Variants in TRIM25 observed in about 807,000 individuals in gnomAD.
TRIM25 encodes the protein E3 ubiquitin/ISG15 ligase TRIM25.
Under a neutral mutation model 65.2 loss-of-function variants are expected in TRIM25, and 45 were observed. That is an observed-to-expected ratio of 0.69 (90% CI 0.54 to 0.89). The LOEUF is 0.89. Ranked by LOEUF, TRIM25 falls within the 40% of genes least tolerant of loss-of-function variation. The pLI is 0.00. For synonymous variants in TRIM25, 321 were observed against 340.4 expected, an observed-to-expected ratio of 0.94 and a Z score of 0.63; for missense variants, 714 against 803.7, an observed-to-expected ratio of 0.89 and a Z score of 1.35.
intron 4 of TRIM25, 113 bp downstream of exon 4, chr17:56,901,306 A>G: frequency 8.1e-7 from 1 of 1,241,554 alleles, no homozygotes; most frequent in East Asian, 2.4e-5. Context: ...GAGCCCTGAA[A>G]CTCAGGCCCC....
intron 8 of TRIM25, among the ~76,000 whole-genome samples, chr17:56,894,244 TTTTG>T (rs893032913): frequency 1.3e-4 from 20 of 152,160 alleles, no homozygotes; most frequent in East Asian, 1.2e-3. Flanking sequence ...TTTTGGGGTT[TTTTG>T]TTTGTTTGTT....
Position 56,888,216 on chromosome 17 carries a change from A to C in TRIM25, c.*3484T>G, listed in dbSNP as rs1341481771. 6.6e-6 allele frequency: 1 copy of C among 152,262 alleles called. No homozygotes were observed. Among genetic ancestry groups the C allele is most frequent in the Admixed American group, 6.5e-5 (1 of 15,288 alleles). The allele number at this position is 152,262 out of a possible 1,614,324, so 9.4% of individuals were successfully genotyped here. On this transcript the variant is annotated 3_prime_UTR_variant, in exon 9 of 9. Transcript: ENST00000316881. ...GACTCAAAGCCTCAAACCTCTAATC[A>C]CATGGTCAGTCTGTCTGGTGACCAG...
chr17:56,911,448 C>T (rs768408004), intron 1 of TRIM25, among the ~76,000 whole-genome samples: 13 of 151,856 alleles, frequency 8.6e-5, no homozygotes, highest in Non-Finnish European at 1.3e-4. Context: ...GGCATGGTGG[C>T]GCAGGCCTGT....
At chr17:56,899,066 G>A (rs1455939832) in intron 5 of TRIM25, 49 bp downstream of exon 5, 2 of 1,594,508 alleles carry the variant, frequency 1.3e-6, no homozygotes, top group African/African-American at 2.7e-5. Flanking sequence ...AGAGCCTGGG[G>A]AGGCCACAGC....
At chr17:56,894,359 G>A (rs1157083152) in intron 8 of TRIM25, among the ~76,000 whole-genome samples, 3 of 152,046 alleles carry the variant, frequency 2.0e-5, no homozygotes, top group Admixed American at 6.6e-5. Flanking sequence ...AGTGATTCTC[G>A]TGCCTCAGCC....
In TRIM25 at chr17:56,914,011, C is replaced by T. The variant is rs1909687173; in HGVS notation, c.-23G>A. ...CATGGCGCTCCCAGGGGTCGGGACACAACTGCTGCACCCGCGCTCCGAGGC... is the reference window on the plus strand; with the variant it reads ...CATGGCGCTCCCAGGGGTCGGGACATAACTGCTGCACCCGCGCTCCGAGGC... On this transcript the variant is annotated 5_prime_UTR_variant, in exon 1 of 9. In the 5' UTR this introduces an upstream ATG that the reference lacks. Transcript: ENST00000316881. 3 of 1,470,592 alleles carry T rather than the reference C, an allele frequency of 2.0e-6. No individual in the cohort carries two copies. The highest frequency in any genetic ancestry group is 9.1e-7 in the Non-Finnish European group (1 of 1,104,022). 91.1% of individuals were successfully genotyped at this position (1,470,592 alleles called of 1,614,324 possible). A position where few individuals can be genotyped will look rare whatever the true frequency, so the allele number is the denominator to read the frequency against.
Position 56,895,444 on chromosome 17 carries a change from G to A in TRIM25, c.1265-3C>T, listed in dbSNP as rs747692879. On this transcript the variant is annotated splice_polypyrimidine_tract_variant and splice_region_variant and intron_variant, in intron 7 of 8. Transcript: ENST00000316881. ...TGAGCTGGTGGCTTTGGCTGCAGCTGGGAGAGGAAACAGAGAGTGATTTGC... is the reference window on the plus strand; with the variant it reads ...TGAGCTGGTGGCTTTGGCTGCAGCTAGGAGAGGAAACAGAGAGTGATTTGC... The A allele has an allele frequency of 2.5e-6, 4 of 1,614,030 alleles. No homozygotes were observed. The highest frequency in any genetic ancestry group is 1.3e-5 in the African/African-American group (1 of 74,922).
chr17:56,913,678 TG>T lies in TRIM25; in HGVS notation c.310del (p.Gln104ArgfsTer8). The T allele has an allele frequency of 6.3e-7, 1 of 1,592,956 alleles. No individual in the cohort carries two copies. The highest frequency in any genetic ancestry group is 8.6e-7 in the Non-Finnish European group (1 of 1,168,968). The part of the protein sequence containing the change: ...ARASAPSPNA[Q>X]VACDHCLKEA... Reference sequence around the variant, plus strand: ...CTTCAGGCAGTGGTCGCAGGCCACCTGGGCATTCGGGCTGGGTGCAGAGGCG... The same window carrying T: ...CTTCAGGCAGTGGTCGCAGGCCACCTGGCATTCGGGCTGGGTGCAGAGGCG... On this transcript the variant is annotated frameshift_variant, in exon 1 of 9. Transcript: ENST00000316881. LOFTEE classifies it high-confidence loss of function. This position sits in a 1 kb window ranked among gnomAD's most constrained non-coding sequence, Gnocchi z 6.1.
intron 8 of TRIM25, 88 bp downstream of exon 8, chr17:56,895,255 C>T (rs1224611620): frequency 2.9e-6 from 3 of 1,027,406 alleles, no homozygotes; most frequent in South Asian, 2.7e-5. Context: ...CTGATATAGC[C>T]GGCCAGCTGG....
intron 2 of TRIM25, among the ~76,000 whole-genome samples, chr17:56,906,178 G>A (rs1318253255): frequency 2.6e-5 from 4 of 151,802 alleles, no homozygotes; most frequent in Non-Finnish European, 4.4e-5. Flanking sequence ...ATTAGATCAC[G>A]AGGGCTCTGC....
At chr17:56,907,800 T>A (rs965560106) in intron 2 of TRIM25, among the ~76,000 whole-genome samples, 2 of 152,204 alleles carry the variant, frequency 1.3e-5, no homozygotes, top group Non-Finnish European at 2.9e-5. Context: ...ATCTTGAGAT[T>A]CGATCATCAT....
At chr17:56,912,514 C>G (rs1909648963) in intron 1 of TRIM25, among the ~76,000 whole-genome samples, 1 of 152,192 alleles carries the variant, frequency 6.6e-6, no homozygotes, top group Admixed American at 6.5e-5. Context: ...CCTTCCTGAT[C>G]ACAGGAACTC....
At position 56,908,414 on chromosome 17, in the gene TRIM25, G is replaced by C. The variant is rs997782742; in HGVS notation, c.693+54C>G. The stretch of plus-strand genomic sequence containing the variant: ...GTCAGAGCCACGCCCATCCCGCGTG[G>C]AAGCTGAGCGAAGCCACAGGGCAGG... On this transcript the variant is annotated intron_variant, in intron 2 of 8. Transcript: ENST00000316881. The C allele has an allele frequency of 1.2e-5, 19 of 1,569,210 alleles. No individual in the cohort carries two copies. In the African/African-American group the frequency reaches 2.3e-4, roughly 19 times the overall value.
rs563772315 is a variant in TRIM25, at chr17:56,910,608, G to A, written c.598-2045C>T. ...GATACACCATTAATCAAACACATGC[G>A]GCAGTACCCTCATCATGAATGGTGC... is the stretch of plus-strand genomic sequence containing the variant. On this transcript the variant is annotated intron_variant, in intron 1 of 8. Transcript: ENST00000316881. 1.1e-4 allele frequency among the ~76,000 whole-genome samples: 16 copies of A among 152,232 alleles called. No individual in the cohort carries two copies. The South Asian group carries it at 2.3e-3, about 22-fold the overall frequency.
At chr17:56,898,554 G>C (rs1909345988) in intron 5 of TRIM25, among the ~76,000 whole-genome samples, 1 of 152,182 alleles carries the variant, frequency 6.6e-6, no homozygotes, top group African/African-American at 2.4e-5. Context: ...GGGGGAGGGG[G>C]AGTAAAAAAG....
At position 56,891,367 on chromosome 17, in the gene TRIM25, T is replaced by C. The variant is rs758811484; in HGVS notation, c.*333A>G. ...CCCAAGACAGAACCTACAGTAGCTA[T>C]GGATTTTCTCTAAGAGGAATCGGGC... On this transcript the variant is annotated 3_prime_UTR_variant, in exon 9 of 9. Transcript: ENST00000316881. 1.1e-5 allele frequency: 4 copies of C among 351,668 alleles called. No homozygotes were observed. Among genetic ancestry groups the C allele is most frequent in the South Asian group, 3.0e-5 (1 of 33,000 alleles). 21.8% of individuals were successfully genotyped at this position (351,668 alleles called of 1,614,324 possible).
In TRIM25 at chr17:56,903,272, C is replaced by T. The variant is rs111315069; in HGVS notation, c.927+983G>A. ...AAAATTAGCTGGGCATGGTGGCGTG[C>T]GCCTGTAATCCCAGCTACTCAGGAG... On this transcript the variant is annotated intron_variant, in intron 3 of 8. Coordinates refer to ENST00000316881, the MANE Select transcript of TRIM25 (RefSeq NM_005082.5). Among the ~76,000 whole-genome samples the T allele has an allele frequency of 4.0e-3, 609 of 152,134 alleles. 3 individuals are homozygous for T. The highest frequency in any genetic ancestry group is 0.031 in the Middle Eastern group (9 of 294).
At chr17:56,895,852 C>T in intron 6 of TRIM25, 74 bp downstream of exon 6, 1 of 1,564,298 alleles carries the variant, frequency 6.4e-7, no homozygotes, top group African/African-American at 1.4e-5. Context: ...GAGAGGTCGA[C>T]TCTCACTACC....
At chr17:56,897,661 C>G (rs1237686463) in intron 5 of TRIM25, among the ~76,000 whole-genome samples, 1 of 152,244 alleles carries the variant, frequency 6.6e-6, no homozygotes, top group East Asian at 1.9e-4. Context: ...GATTCATTCC[C>G]GAACTTTATT....
Sources: gnomAD v4.1 joint callset for allele counts (sites outside exome capture counted in the v4.1 genomes callset) on GRCh38, gnomAD v4.1.1 for gene constraint, Gnocchi (gnomAD v3.1) non-coding constraint, MANE v1.5 for transcripts, NCBI Gene and HGNC (gene_info 2026-07-23, HGNC 2026-07-21) for gene names.